Variants in MAOA observed in about 807,000 individuals in gnomAD.
MAOA encodes the protein monoamine oxidase A.
A neutral mutation model predicts 42.0 loss-of-function variants in MAOA; 6 were observed. The ratio of observed to expected loss-of-function variants is 0.14; its 90% CI spans 0.08 to 0.28. MAOA has a LOEUF of 0.28. Ranked by LOEUF, MAOA falls within the 10% of genes least tolerant of loss-of-function variation. MAOA has a pLI of 1.00. For synonymous variants in MAOA, 140 were observed against 154.0 expected, an observed-to-expected ratio of 0.91 and a Z score of 0.67; for missense variants, 262 against 422.3, an observed-to-expected ratio of 0.62 and a Z score of 3.33.
At chrX:43,664,362 C>T (rs1485670060) in intron 1 of MAOA, among the ~76,000 whole-genome samples, 2 of 111,490 alleles carry the variant, frequency 1.8e-5, no homozygotes, top group African/African-American at 6.5e-5. Flanking sequence ...ATCATTAGCC[C>T]ATCGTCTATT....
chrX:43,657,273 T>TTATA (rs397717487), intron 1 of MAOA, among the ~76,000 whole-genome samples: 44,640 of 78,812 alleles, frequency 0.57, 12,475 homozygotes, highest in Non-Finnish European at 0.68. Context: ...TGAACTGTGT[T>TTATA]TATATATATA....
chrX:43,730,645 CCA>C (rs1479122451), intron 6 of MAOA, among the ~76,000 whole-genome samples: 1 of 109,582 alleles, frequency 9.1e-6, no homozygotes, highest in Non-Finnish European at 1.9e-5. Flanking sequence ...GCACGTGCCA[CCA>C]CGCCTGGCTA....
At chrX:43,721,636 T>C (rs1209282439) in intron 5 of MAOA, among the ~76,000 whole-genome samples, 1 of 109,945 alleles carries the variant, frequency 9.1e-6, no homozygotes, top group Non-Finnish European at 1.9e-5. Flanking sequence ...AAGAAGCTTA[T>C]TGATGCTTAG....
At chrX:43,732,529 A>T (rs765670303) in intron 8 of MAOA, among the ~76,000 whole-genome samples, 170 bp from the exon 9 acceptor site, 1 of 98,804 alleles carries the variant, frequency 1.0e-5, no homozygotes, top group South Asian at 4.3e-4. Context: ...GTGAATAGAC[A>T]TCCTTATATA....
intron 10 of MAOA, among the ~76,000 whole-genome samples, chrX:43,736,971 A>G (rs754966757): frequency 9.0e-6 from 1 of 111,727 alleles, no homozygotes; most frequent in Admixed American, 9.5e-5. Context: ...ACACAAAAAT[A>G]TAGACTTTTC....
intron 10 of MAOA, among the ~76,000 whole-genome samples, chrX:43,738,834 A>G (rs763405479): frequency 2.7e-5 from 3 of 111,297 alleles, no homozygotes; most frequent in Non-Finnish European, 5.7e-5. Flanking sequence ...AATAATAATA[A>G]CAGTAATAAG....
chrX:43,711,788 G>GTTAA, intron 3 of MAOA, 84 bp from the exon 4 acceptor site: 3 of 696,478 alleles, frequency 4.3e-6, no homozygotes, highest in Non-Finnish European at 6.9e-6. Context: ...GTCTTAGGTT[G>GTTAA]GTTGCTTTTT....
chrX:43,688,074 C>T (rs770396784), intron 2 of MAOA, among the ~76,000 whole-genome samples: 13 of 112,349 alleles, frequency 1.2e-4, no homozygotes, highest in Non-Finnish European at 2.3e-4. Context: ...GACCTTCCAA[C>T]GGCTCCCCTT....
intron 2 of MAOA, among the ~76,000 whole-genome samples, chrX:43,688,406 G>T (rs2033505111): frequency 8.9e-6 from 1 of 111,840 alleles, no homozygotes; most frequent in South Asian, 3.7e-4. Context: ...TCAGCCTCCT[G>T]AGTAGCTGGG....
At chrX:43,727,996 A>G (rs1179275156) in intron 5 of MAOA, among the ~76,000 whole-genome samples, 177 bp from the exon 6 acceptor site, 1 of 111,937 alleles carries the variant, frequency 8.9e-6, no homozygotes, top group Non-Finnish European at 1.9e-5. Flanking sequence ...AGCAGGAGAA[A>G]ATGTTAGTTT....
At position 43,683,573 on chromosome X, in the gene MAOA, G is replaced by A. The variant is rs745892947; in HGVS notation, c.134G>A (p.Arg45Gln). 6.6e-6 allele frequency: 8 copies of A among 1,206,864 alleles called. No individual in the cohort carries two copies. Among genetic ancestry groups the A allele is most frequent in the African/African-American group, 3.5e-5 (2 of 56,984 alleles). ...YGVSVLVLEA[R>Q]DRVGGRTYTI... ...GTTAGTGTTTTGGTTTTAGAAGCTCGGGACAGGGTTGGAGGAAGAACATAT... is the reference window on the plus strand; with the variant it reads ...GTTAGTGTTTTGGTTTTAGAAGCTCAGGACAGGGTTGGAGGAAGAACATAT... The change falls in exon 2 of 15, where the codon CGG becomes CAG. Residue 45 changes from arginine (R) to glutamine (Q), a missense_variant. Transcript: ENST00000338702.
intron 5 of MAOA, among the ~76,000 whole-genome samples, chrX:43,727,641 T>C (rs181586828): frequency 1.2e-4 from 14 of 112,924 alleles, no homozygotes; most frequent in African/African-American, 4.2e-4. Context: ...GGAGGGAATC[T>C]CCTGATCTGC....
intron 5 of MAOA, among the ~76,000 whole-genome samples, chrX:43,718,188 A>G (rs1200351597): frequency 2.8e-5 from 3 of 107,673 alleles, no homozygotes; most frequent in Non-Finnish European, 5.8e-5. Flanking sequence ...GGCAGAAGGT[A>G]TGGGTGGATG....
At chrX:43,680,811 T>A (rs1249460780) in intron 1 of MAOA, among the ~76,000 whole-genome samples, 1 of 111,611 alleles carries the variant, frequency 9.0e-6, no homozygotes, top group African/African-American at 3.3e-5. Context: ...TTGGTTGTTT[T>A]GAGGTTCAGC....
chrX:43,703,274 C>T (rs952047424), intron 3 of MAOA, among the ~76,000 whole-genome samples: 1 of 111,591 alleles, frequency 9.0e-6, no homozygotes, highest in South Asian at 3.8e-4. Context: ...ACTCACTTAA[C>T]AGCTTAGCTG....
chrX:43,708,656 C>G (rs1402026868), intron 3 of MAOA, among the ~76,000 whole-genome samples: 1 of 102,559 alleles, frequency 9.8e-6, no homozygotes, highest in Admixed American at 1.0e-4. Context: ...TTATGGTCTT[C>G]TTGTTGTTTT....
chrX:43,678,410 A>G (rs907056224), intron 1 of MAOA, among the ~76,000 whole-genome samples: 1 of 112,617 alleles, frequency 8.9e-6, no homozygotes, highest in Non-Finnish European at 1.9e-5. Flanking sequence ...CTCTTTGCAT[A>G]ATAAAATGTG....
At chrX:43,735,217 T>G (rs2033911229) in intron 9 of MAOA, among the ~76,000 whole-genome samples, 1 of 111,842 alleles carries the variant, frequency 8.9e-6, no homozygotes, top group South Asian at 3.8e-4. Context: ...AAATATCTGT[T>G]TTTTGCACTG....
At chrX:43,662,358 T>C (rs2033241215) in intron 1 of MAOA, among the ~76,000 whole-genome samples, 1 of 111,554 alleles carries the variant, frequency 9.0e-6, no homozygotes, top group South Asian at 3.7e-4. Flanking sequence ...TTTATTTGTG[T>C]TCTGATTTTT....
Sources: gnomAD v4.1 joint callset for allele counts (sites outside exome capture counted in the v4.1 genomes callset) on GRCh38, gnomAD v4.1.1 for gene constraint, MANE v1.5 for transcripts, NCBI Gene and HGNC (gene_info 2026-07-23, HGNC 2026-07-21) for gene names.